PKHD1: variants seen among roughly 807,000 people sequenced by gnomAD.
PKHD1 encodes the protein fibrocystin.
Under a neutral mutation model 412.0 loss-of-function variants are expected in PKHD1, and 291 were observed. The observed-to-expected ratio is 0.71, with a 90% CI of 0.64 to 0.78. The LOEUF is 0.78. PKHD1 is among the 30% of genes least tolerant of loss of function. The pLI, the probability that PKHD1 is intolerant of heterozygous loss-of-function variation, is 0.00. For missense variants in PKHD1, 4,825 were observed against 4,950.7 expected, an observed-to-expected ratio of 0.97 and a Z score of 0.76; for synonymous variants, 1,777 against 1,821.5, an observed-to-expected ratio of 0.98 and a Z score of 0.62.
intron 31 of PKHD1, 89 bp downstream of exon 31, chr6:52,027,740 C>T: frequency 1.0e-6 from 1 of 967,818 alleles, no homozygotes; most frequent in Admixed American, 1.8e-5. Flanking sequence ...TCTCTGACCT[C>T]ACTGGCAAAT....
intron 52 of PKHD1, among the ~76,000 whole-genome samples, chr6:51,804,763 G>C (rs1437856920): frequency 6.6e-6 from 1 of 152,096 alleles, no homozygotes; most frequent in Non-Finnish European, 1.5e-5. Flanking sequence ...AAAGTCAGAA[G>C]CGGGAAAGAG....
chr6:51,628,651 C>T (rs1449968506), intron 65 of PKHD1, among the ~76,000 whole-genome samples: 1 of 152,184 alleles, frequency 6.6e-6, no homozygotes. Context: ...AATCTCCAAA[C>T]TGTTTTGCAT....
At chr6:51,883,064 G>A in intron 46 of PKHD1, 29 bp downstream of exon 46, 1 of 1,596,562 alleles carries the variant, frequency 6.3e-7, no homozygotes, top group Non-Finnish European at 8.6e-7. Flanking sequence ...GTGATTGACA[G>A]CCTAAAACAA....
chr6:51,713,940 G>T (rs1235074377), intron 60 of PKHD1, among the ~76,000 whole-genome samples: 1 of 152,050 alleles, frequency 6.6e-6, no homozygotes, highest in East Asian at 1.9e-4. Flanking sequence ...TCTTCTTCAG[G>T]AATTGCATCA....
At chr6:51,999,426 T>C (rs375818123) in intron 35 of PKHD1, among the ~76,000 whole-genome samples, 5 of 152,346 alleles carry the variant, frequency 3.3e-5, no homozygotes, top group African/African-American at 1.2e-4. Context: ...TTTTAATATC[T>C]GAATAACCCA....
intron 40 of PKHD1, 147 bp from the exon 41 acceptor site, chr6:51,906,487 C>A: frequency 3.0e-6 from 2 of 659,532 alleles, no homozygotes; most frequent in South Asian, 1.7e-5. Context: ...GCAATCGAAT[C>A]AAGAGAATGA....
chr6:51,619,809 TGGCCAACTCACACTTACCAACA>T (rs1766385002), intron 66 of PKHD1, among the ~76,000 whole-genome samples: 1 of 152,178 alleles, frequency 6.6e-6, no homozygotes, highest in South Asian at 2.1e-4. Context: ...CCTTACCAAC[TGGCCAACTCACACTTACCAACA>T]GGCCAACTTA....
At chr6:51,703,164 C>T (rs1400474358) in intron 60 of PKHD1, among the ~76,000 whole-genome samples, 2 of 151,938 alleles carry the variant, frequency 1.3e-5, no homozygotes, top group African/African-American at 2.4e-5. Context: ...GAAGGTTTAT[C>T]TAAAAAGGTA....
At chr6:52,052,744 T>A (rs759524678) in intron 21 of PKHD1, among the ~76,000 whole-genome samples, 12 of 152,198 alleles carry the variant, frequency 7.9e-5, no homozygotes, top group Non-Finnish European at 1.3e-4. Context: ...CTTTAGTTAA[T>A]CTTCACCGTA....
chr6:51,816,581 A>G (rs1392374296), intron 52 of PKHD1, among the ~76,000 whole-genome samples: 1 of 152,238 alleles, frequency 6.6e-6, no homozygotes, highest in Non-Finnish European at 1.5e-5. Flanking sequence ...CTCTGCATAT[A>G]GTTAATTGTA....
rs150075584 is a variant in PKHD1, at chr6:51,735,370, A to G, written c.10156+9015T>C. 9.2e-5 allele frequency among the ~76,000 whole-genome samples: 14 copies of G among 152,356 alleles called. No individual in the cohort carries two copies. In the South Asian group the frequency reaches 1.7e-3, roughly 18 times the overall value. ...ATCCCTTCATGTTAAGGTTGTTGTA[A>G]GGATAAATGAGAGTATTTATAAACT... On this transcript the variant is annotated intron_variant, in intron 60 of 66. Coordinates refer to ENST00000371117, the MANE Select transcript of PKHD1 (RefSeq NM_138694.4).
At chr6:51,820,315 C>T (rs920311846) in intron 52 of PKHD1, among the ~76,000 whole-genome samples, 16 of 152,194 alleles carry the variant, frequency 1.1e-4, no homozygotes, top group Admixed American at 9.8e-4. Flanking sequence ...TCTGTCAGTC[C>T]ATCTAGTCAC....
intron 48 of PKHD1, among the ~76,000 whole-genome samples, chr6:51,862,208 T>C (rs947799837): frequency 1.3e-5 from 2 of 152,224 alleles, no homozygotes; most frequent in African/African-American, 4.8e-5. Flanking sequence ...AAATAAGGCA[T>C]GTGAGAGTAT....
chr6:51,746,842 C>T lies in PKHD1; in HGVS notation c.9877G>A (p.Asp3293Asn), dbSNP rs1060501356. 3 of 1,610,780 alleles carry T rather than the reference C, an allele frequency of 1.9e-6. No individual in the cohort carries two copies. The highest frequency in any genetic ancestry group is 2.5e-6 in the Non-Finnish European group (3 of 1,177,554). Residue 3293 changes from aspartate (D) to asparagine (N), a missense_variant, in exon 59 of 67, where the codon GAT becomes AAT. Transcript: ENST00000371117. Reference protein sequence around the residue: ...FVKSCYSDDLDVCILPNAENS... With the variant: ...FVKSCYSDDLNVCILPNAENS... ...TCTGCATTTGGTAGAATGCAGACAT[C>T]CAGGTCATCGCTATAGCAACTCTTC...
intron 35 of PKHD1, among the ~76,000 whole-genome samples, chr6:51,989,112 G>T (rs776079936): frequency 6.6e-6 from 1 of 152,078 alleles, no homozygotes; most frequent in Non-Finnish European, 1.5e-5. Flanking sequence ...TTCATGCTGC[G>T]AATCCACTCC....
intron 35 of PKHD1, among the ~76,000 whole-genome samples, chr6:51,994,204 G>T (rs1459415728): frequency 6.7e-6 from 1 of 149,634 alleles, no homozygotes; most frequent in African/African-American, 2.5e-5. Context: ...GCACTATCTC[G>T]GCTCACTGCA....
intron 36 of PKHD1, among the ~76,000 whole-genome samples, chr6:51,936,919 C>G (rs377744059): frequency 2.0e-5 from 3 of 152,190 alleles, no homozygotes; most frequent in African/African-American, 7.2e-5. Flanking sequence ...AAAGCTGTCT[C>G]TTGTGGGGAA....
chr6:51,798,561 C>T (rs773298455), intron 52 of PKHD1, among the ~76,000 whole-genome samples: 1 of 152,024 alleles, frequency 6.6e-6, no homozygotes, highest in Admixed American at 6.6e-5. Context: ...AACATTTTTG[C>T]CTCCATTTTG....
chr6:51,981,303 AGCTCAAGCTCTC>A (rs1795116684), intron 35 of PKHD1, among the ~76,000 whole-genome samples: 1 of 20,162 alleles, frequency 5.0e-5, no homozygotes, highest in Non-Finnish European at 1.7e-4. Flanking sequence ...GAGGCTCCAA[AGCTCAAGCTCTC>A]CCTCTCCCTC....
Sources: allele counts gnomAD v4.1 joint callset (sites outside exome capture counted in the v4.1 genomes callset), GRCh38; gene constraint gnomAD v4.1.1; transcripts MANE v1.5; gene names NCBI Gene and HGNC (gene_info 2026-07-23, HGNC 2026-07-21).